Variants in VDR observed in about 807,000 individuals in gnomAD.
VDR encodes vitamin D receptor, also known as vitamin D3 receptor.
In VDR, 19 loss-of-function variants were observed where a neutral mutation model predicts 39.7. The observed-to-expected ratio is 0.48, with a 90% confidence interval of 0.33 to 0.70. The LOEUF (loss-of-function observed/expected upper bound fraction) is 0.70, where lower values mean the gene tolerates loss of function less well. Among genes scored for constraint, VDR ranks in the 30% least tolerant of loss-of-function variants. The pLI, the probability that VDR is intolerant of heterozygous loss-of-function variation, is 0.02. For synonymous variants in VDR, 242 were observed against 215.8 expected, an observed-to-expected ratio of 1.12 and a Z score of -1.07; for missense variants, 442 against 570.5, an observed-to-expected ratio of 0.77 and a Z score of 2.29.
intron 3 of VDR, among the ~76,000 whole-genome samples, chr12:47,870,054 G>C (rs1945820445): frequency 6.6e-6 from 1 of 152,208 alleles, no homozygotes; most frequent in South Asian, 2.1e-4. Flanking sequence ...GGTATAGAAA[G>C]TTTGCTCCCC....
At chr12:47,882,623 G>GCCCCCGGGCCCCCCCC in intron 2 of VDR, 71 bp downstream of exon 2, 1 of 543,280 alleles carries the variant, frequency 1.8e-6, no homozygotes, top group East Asian at 3.6e-5. Context: ...ACCTTCTTAT[G>GCCCCCGGGCCCCCCCC]CCCCTCCCCC....
At chr12:47,879,841 T>C (rs1258532500) in intron 2 of VDR, among the ~76,000 whole-genome samples, 1 of 152,158 alleles carries the variant, frequency 6.6e-6, no homozygotes, top group Non-Finnish European at 1.5e-5. Context: ...ATACAATTAA[T>C]TGTGTTTTCA....
rs1028903477 is a variant in VDR, at chr12:47,846,530, T to TCGCC, written c.908-83_908-80dup. 2.6e-6 allele frequency: 4 copies of TCGCC among 1,551,198 alleles called. No individual in the cohort carries two copies. The African/African-American group carries it at 5.4e-5, about 21-fold the overall frequency. On this transcript the variant is annotated intron_variant, in intron 8 of 9. Coordinates refer to ENST00000549336, the MANE Select transcript of VDR (RefSeq NM_000376.3). ...ACCTCCAACCCCATGGGTCTGACCCTCGCCCTTCTCTCCCTGTTGGTGCCT... is the reference window on the plus strand; with the variant it reads ...ACCTCCAACCCCATGGGTCTGACCCTCGCCCGCCCTTCTCTCCCTGTTGGTGCCT...
At chr12:47,875,759 G>A (rs1224209051) in intron 3 of VDR, among the ~76,000 whole-genome samples, 1 of 152,128 alleles carries the variant, frequency 6.6e-6, no homozygotes, top group Non-Finnish European at 1.5e-5. Context: ...CAAGCCTCTG[G>A]TCACAAAATT....
intron 3 of VDR, among the ~76,000 whole-genome samples, chr12:47,875,136 G>A (rs1049060005): frequency 1.3e-5 from 2 of 152,184 alleles, no homozygotes; most frequent in African/African-American, 4.8e-5. Context: ...ATAGAACTGT[G>A]ATCCCTCTCT....
intron 7 of VDR, among the ~76,000 whole-genome samples, chr12:47,849,975 G>A (rs1166150875): frequency 2.6e-5 from 4 of 151,960 alleles, no homozygotes; most frequent in African/African-American, 4.8e-5. Flanking sequence ...CTCAGCCTGC[G>A]GAGAAGCTGG....
chr12:47,844,496 C>G lies in VDR; in HGVS notation c.*250G>C, dbSNP rs952062957. ...GCCTCCAGCCTCTGCCCTCTGCCCC[C>G]ACTTGGGTTTCTTTGTCAAACAAAC... is the stretch of plus-strand genomic sequence containing the variant. On this transcript the variant is annotated 3_prime_UTR_variant, in exon 10 of 10. Coordinates refer to ENST00000549336, the MANE Select transcript of VDR (RefSeq NM_000376.3). The G allele has an allele frequency of 5.0e-6, 3 of 601,872 alleles. No homozygotes were observed. Among genetic ancestry groups the G allele is most frequent in the Non-Finnish European group, 8.8e-6 (3 of 340,740 alleles). The allele number at this position is 601,872 out of a possible 1,614,324, so 37.3% of individuals were successfully genotyped here.
intron 3 of VDR, among the ~76,000 whole-genome samples, chr12:47,869,427 T>A (rs1014265381): frequency 1.3e-5 from 2 of 149,920 alleles, no homozygotes; most frequent in African/African-American, 4.9e-5. Context: ...TCCCAGCTAC[T>A]CGGGAGGCTG....
In VDR at chr12:47,878,985, G is replaced by C. The variant is rs770982488; in HGVS notation, c.129C>G (p.Gly43=). ...GFHFNAMTCE[G]CKGFFRRSMK... ...GGGCTCACCTGAAGAAGCCTTTGCA[G>C]CCTTCACAGGTCATAGCATTGAAGT... Residue 43 remains glycine, a synonymous_variant, in exon 3 of 10, where the codon GGC becomes GGG. Coordinates refer to ENST00000549336, the MANE Select transcript of VDR (RefSeq NM_000376.3). 3.1e-6 allele frequency: 5 copies of C among 1,614,230 alleles called. No individual in the cohort carries two copies. Among genetic ancestry groups the C allele is most frequent in the Admixed American group, 3.3e-5 (2 of 60,034 alleles).
At chr12:47,865,373 C>T (rs1212563841) in intron 3 of VDR, among the ~76,000 whole-genome samples, 196 bp from the exon 4 acceptor site, 3 of 152,308 alleles carry the variant, frequency 2.0e-5, no homozygotes, top group South Asian at 4.1e-4. Context: ...ATTGCCTGCC[C>T]AGCTCCAATC....
Position 47,872,232 on chromosome 12 carries a change from T to C in VDR, c.146+6736A>G, listed in dbSNP as rs1592128086. Among the ~76,000 whole-genome samples the C allele has an allele frequency of 2.0e-5, 3 of 152,318 alleles. No homozygotes were observed. In the East Asian group the frequency reaches 5.8e-4, roughly 29 times the overall value. ...GCAAGTTACTTAACCTTCCCATCCATTAGTTTCCACATCTGTAAAATGGGA... is the reference window on the plus strand; with the variant it reads ...GCAAGTTACTTAACCTTCCCATCCACTAGTTTCCACATCTGTAAAATGGGA... On this transcript the variant is annotated intron_variant, in intron 3 of 9. Coordinates refer to ENST00000549336, the MANE Select transcript of VDR (RefSeq NM_000376.3).
chr12:47,878,761 A>G, intron 3 of VDR: 1 of 827,026 alleles, frequency 1.2e-6, no homozygotes, highest in Non-Finnish European at 2.0e-6. Context: ...GCGATTTCCA[A>G]GAGAGTCAGA....
intron 1 of VDR, among the ~76,000 whole-genome samples, chr12:47,885,629 C>A (rs897556730): frequency 5.9e-5 from 9 of 152,252 alleles, no homozygotes; most frequent in Non-Finnish European, 1.3e-4. Flanking sequence ...AGAAGTCTGA[C>A]CGCTAATGTC....
intron 7 of VDR, among the ~76,000 whole-genome samples, chr12:47,850,052 T>C (rs1056794388): frequency 6.6e-6 from 1 of 152,216 alleles, no homozygotes; most frequent in Non-Finnish European, 1.5e-5. Flanking sequence ...GGTTTCACCA[T>C]GTTGGCCAGG....
At chr12:47,852,652 G>A (rs536759819) in intron 7 of VDR, among the ~76,000 whole-genome samples, 305 of 152,292 alleles carry the variant, frequency 2.0e-3, no homozygotes, top group African/African-American at 7.2e-3. Flanking sequence ...GAAGAGCATC[G>A]AAAAATTTCT....
intron 3 of VDR, among the ~76,000 whole-genome samples, chr12:47,865,899 T>C (rs563124470): frequency 6.7e-6 from 1 of 150,154 alleles, no homozygotes; most frequent in South Asian, 2.1e-4. Flanking sequence ...GTATTTTTAG[T>C]AGAAATGGGG....
chr12:47,848,401 G>A (rs1945320235), intron 7 of VDR, among the ~76,000 whole-genome samples: 1 of 151,796 alleles, frequency 6.6e-6, no homozygotes, highest in Admixed American at 6.6e-5. Flanking sequence ...TTGTTTTTCT[G>A]GTCCTGAATC....
At chr12:47,875,618 G>T (rs969518976) in intron 3 of VDR, among the ~76,000 whole-genome samples, 3 of 152,214 alleles carry the variant, frequency 2.0e-5, no homozygotes, top group Admixed American at 1.3e-4. Context: ...AGGGGTGGAA[G>T]AAGAGGAGAA....
rs1945190879 is a variant in VDR at position 47,842,549 on chromosome 12, C to T, written c.*2197G>A. The T allele has an allele frequency of 6.6e-6, 1 of 152,184 alleles. No homozygotes were observed. Among genetic ancestry groups the T allele is most frequent in the Admixed American group, 6.5e-5 (1 of 15,268 alleles). The allele number at this position is 152,184 out of a possible 1,614,324, so 9.4% of individuals were successfully genotyped here. A position where few individuals can be genotyped will look rare whatever the true frequency, so the allele number is the denominator to read the frequency against. The stretch of plus-strand genomic sequence containing the variant: ...CGATCTCAGCTCACTGCAACCTCCA[C>T]CTCCTGGGTTCAATTCTTCTGCCTC... On this transcript the variant is annotated 3_prime_UTR_variant, in exon 10 of 10. Transcript: ENST00000549336.
Sources: allele counts gnomAD v4.1 joint callset (sites outside exome capture counted in the v4.1 genomes callset), GRCh38; gene constraint gnomAD v4.1.1; transcripts MANE v1.5; gene names NCBI Gene and HGNC (gene_info 2026-07-23, HGNC 2026-07-21).